Variants in DHTKD1 observed in about 807,000 individuals in gnomAD.
DHTKD1 encodes the protein 2-oxoadipate dehydrogenase complex component E1.
Under a neutral mutation model 101.8 loss-of-function variants are expected in DHTKD1, and 78 were observed. The observed-to-expected ratio is 0.77, with a 90% CI of 0.64 to 0.93. The LOEUF (loss-of-function observed/expected upper bound fraction) is 0.93, where lower values mean the gene tolerates loss of function less well. DHTKD1 is among the 40% of genes least tolerant of loss of function. DHTKD1 has a pLI of 0.00. For missense variants in DHTKD1, 1,223 were observed against 1,161.7 expected (o/e 1.05, Z -0.77); for synonymous variants, 462 against 450.3 (o/e 1.03, Z -0.33).
rs1483009058 is a variant in DHTKD1, at chr10:12,118,828, C to T, written c.2482C>T (p.His828Tyr). 1.9e-6 allele frequency: 3 copies of T among 1,608,794 alleles called. No homozygotes were observed. The highest frequency in any genetic ancestry group is 2.5e-6 in the Non-Finnish European group (3 of 1,178,016). ...AAGAGAATCTCTGGGGGCCAAGAAG[C>T]ATGACTTTGCCATCATCCGAGTAGA... ...KQRESLGAKK[H>Y]DFAIIRVEEL... Residue 828 changes from histidine (H) to tyrosine (Y), a missense_variant, in exon 15 of 17, where the codon CAT (histidine) becomes TAT (tyrosine). By Grantham distance (83) the His-to-Tyr change is moderately conservative (BLOSUM62 2). Coordinates refer to ENST00000263035, the MANE Select transcript of DHTKD1 (RefSeq NM_018706.7).
rs1588622111 is a variant in DHTKD1, at chr10:12,121,063, T to C, written c.*175T>C. ...GGTGAAACCCCGCCTCTACTAAAAATACAAAAAATAGCCGGGTGTGGTGGT... is the reference window on the plus strand; with the variant it reads ...GGTGAAACCCCGCCTCTACTAAAAACACAAAAAATAGCCGGGTGTGGTGGT... On this transcript the variant is annotated 3_prime_UTR_variant, in exon 17 of 17. Transcript: ENST00000263035. 1 of 469,608 alleles carries C rather than the reference T, an allele frequency of 2.1e-6. No individual in the cohort carries two copies. Among genetic ancestry groups the C allele is most frequent in the East Asian group, 4.5e-5 (1 of 22,018 alleles). The allele number at this position is 469,608 out of a possible 1,614,324, so 29.1% of individuals were successfully genotyped here. A position where few individuals can be genotyped will look rare whatever the true frequency, so the allele number is the denominator to read the frequency against.
chr10:12,099,372 G>A (rs566678868), intron 8 of DHTKD1, among the ~76,000 whole-genome samples: 5 of 152,120 alleles, frequency 3.3e-5, no homozygotes, highest in East Asian at 3.9e-4. Flanking sequence ...ACCTAAGCAC[G>A]TGTTTGTTTT....
At position 12,089,244 on chromosome 10, in the gene DHTKD1, A is replaced by G. The variant is rs745602291; in HGVS notation, c.976A>G (p.Ile326Val). ...DNSAQPGDRV[I>V]CLQVHGDASF... ...CTCAGCCCAGCCGGGGGACAGGGTC[A>G]TTTGCTTACAGGTACTTGGAGCTTC... Residue 326 changes from isoleucine to valine, a missense_variant, in exon 5 of 17, where the codon ATT (isoleucine) becomes GTT (valine). Transcript: ENST00000263035. 15 of 1,613,892 alleles carry G rather than the reference A, an allele frequency of 9.3e-6. No homozygotes were observed. The highest frequency in any genetic ancestry group is 3.3e-4 in the Middle Eastern group (2 of 6,060).
intron 3 of DHTKD1, among the ~76,000 whole-genome samples, chr10:12,085,099 C>G (rs1832877947): frequency 6.6e-6 from 1 of 152,050 alleles, no homozygotes; most frequent in African/African-American, 2.4e-5. Flanking sequence ...AGCCTCACTG[C>G]CTATAAAGAT....
intron 8 of DHTKD1, among the ~76,000 whole-genome samples, chr10:12,099,793 C>CTTTTT (rs55758504): frequency 4.2e-5 from 4 of 96,188 alleles, no homozygotes; most frequent in Admixed American, 1.2e-4. Context: ...AATTTCGTTG[C>CTTTTT]TTTTTTTTTT....
intron 11 of DHTKD1, among the ~76,000 whole-genome samples, chr10:12,106,665 C>T (rs573246390): frequency 8.5e-5 from 13 of 152,260 alleles, no homozygotes; most frequent in East Asian, 1.9e-4. Context: ...CATGAAAACC[C>T]GCTCCAGTGT....
rs189946711 is a variant in DHTKD1 at position 12,118,586 on chromosome 10, G to T, written c.2403-163G>T. Among the ~76,000 whole-genome samples, 336 of 151,990 alleles carry T rather than the reference G, an allele frequency of 2.2e-3. 5 individuals are homozygous for T. In the East Asian group the frequency reaches 0.039, roughly 18 times the overall value. ...TTTAGTAGAGACAGGGTTTCACCGT[G>T]TTAGCCAGGATGGTCTTGATTTCCT... On this transcript the variant is annotated intron_variant, in intron 14 of 16. Transcript: ENST00000263035.
At chr10:12,093,369 G>C (rs936593628) in intron 6 of DHTKD1, among the ~76,000 whole-genome samples, 4 of 152,148 alleles carry the variant, frequency 2.6e-5, no homozygotes, top group Admixed American at 2.6e-4. Context: ...AATAATTTTT[G>C]TAGAGATTGA....
intron 2 of DHTKD1, 35 bp downstream of exon 2, chr10:12,081,662 C>G: frequency 6.2e-7 from 1 of 1,612,400 alleles, no homozygotes; most frequent in Non-Finnish European, 8.5e-7. Flanking sequence ...GAGCTCGGAG[C>G]TGCACACCAG....
At chr10:12,100,287 G>GTTTTTTTTTTTTT (rs57815181) in intron 9 of DHTKD1, 25 bp downstream of exon 9, 4,185 of 271,326 alleles carry the variant, frequency 0.015, 732 homozygotes, top group African/African-American at 0.028. Flanking sequence ...TTTTTTTTCT[G>GTTTTTTTTTTTTT]TTTTTTTTTT....
chr10:12,095,222 T>C (rs1327648626), intron 7 of DHTKD1, among the ~76,000 whole-genome samples: 1 of 152,180 alleles, frequency 6.6e-6, no homozygotes, highest in African/African-American at 2.4e-5. Context: ...CAGTGGCTAT[T>C]GAGTACTTGA....
chr10:12,100,956 A>G (rs1262414131), intron 9 of DHTKD1, 86 bp from the exon 10 acceptor site: 2 of 1,378,782 alleles, frequency 1.5e-6, no homozygotes, highest in East Asian at 4.6e-5. Context: ...CTCAGGATTA[A>G]GCCAGTATAT....
chr10:12,120,143 T>C, intron 15 of DHTKD1, 39 bp from the exon 16 acceptor site: 7 of 1,510,286 alleles, frequency 4.6e-6, no homozygotes, highest in Non-Finnish European at 6.4e-6. Context: ...CGTCTGCATG[T>C]GTCTACTTGA....
At position 12,087,157 on chromosome 10, in the gene DHTKD1, G is replaced by A. The variant is rs1271367025; in HGVS notation, c.523-378G>A. ...GATGGCAAGAAGCCCCTTCCTAATA[G>A]TTTGGGTAGTTGGATAGTTTGCAGC... On this transcript the variant is annotated intron_variant, in intron 3 of 16. Transcript: ENST00000263035. This position sits in a 1 kb window ranked among gnomAD's most constrained non-coding sequence, Gnocchi z 5.2. Among the ~76,000 whole-genome samples, 2 of 152,166 alleles carry A rather than the reference G, an allele frequency of 1.3e-5. No homozygotes were observed. Among genetic ancestry groups the A allele is most frequent in the East Asian group, 3.8e-4 (2 of 5,200 alleles).
chr10:12,111,362 C>T (rs1833326935), intron 12 of DHTKD1, among the ~76,000 whole-genome samples: 1 of 152,162 alleles, frequency 6.6e-6, no homozygotes, highest in African/African-American at 2.4e-5. Context: ...GATGGGGTTT[C>T]ACCATGTTGA....
intron 1 of DHTKD1, among the ~76,000 whole-genome samples, chr10:12,072,155 C>T (rs1373884252): frequency 6.6e-6 from 1 of 151,954 alleles, no homozygotes; most frequent in African/African-American, 2.4e-5. Context: ...CTAAGACTTC[C>T]CTTGTATTAA....
At chr10:12,113,834 C>T (rs1214928446) in intron 13 of DHTKD1, among the ~76,000 whole-genome samples, 2 of 152,084 alleles carry the variant, frequency 1.3e-5, no homozygotes, top group Non-Finnish European at 2.9e-5. Context: ...ATGGGAGCAT[C>T]TTTTGAGCCC....
At chr10:12,109,984 G>A (rs373821230) in intron 12 of DHTKD1, among the ~76,000 whole-genome samples, 18 of 151,922 alleles carry the variant, frequency 1.2e-4, no homozygotes, top group African/African-American at 2.7e-4. Flanking sequence ...GACCACATGC[G>A]GCTCAGAACA....
intron 3 of DHTKD1, among the ~76,000 whole-genome samples, chr10:12,086,229 T>C (rs934950534): frequency 5.4e-5 from 8 of 148,292 alleles, no homozygotes; most frequent in South Asian, 2.1e-4. Flanking sequence ...TTCTTTTCTT[T>C]TTTTTTTTTT....
Sources: gnomAD v4.1 joint callset for allele counts (sites outside exome capture counted in the v4.1 genomes callset) on GRCh38, gnomAD v4.1.1 for gene constraint, Gnocchi (gnomAD v3.1) non-coding constraint, MANE v1.5 for transcripts, NCBI Gene and HGNC (gene_info 2026-07-23, HGNC 2026-07-21) for gene names.